Variants in INPP5A observed in about 807,000 individuals in gnomAD.
INPP5A encodes the protein inositol polyphosphate-5-phosphatase A, also known as 43 kDa inositol polyphosphate 5-phophatase.
In INPP5A, 14 loss-of-function variants were observed where a neutral mutation model predicts 65.2. The ratio of observed to expected loss-of-function variants is 0.21; its 90% CI spans 0.14 to 0.34. The LOEUF (loss-of-function observed/expected upper bound fraction) is 0.34. Among genes scored for constraint, INPP5A ranks in the 10% least tolerant of loss-of-function variants. The pLI, the probability that INPP5A is intolerant of heterozygous loss-of-function variation, is 1.00. For synonymous variants in INPP5A, 207 were observed against 208.3 expected, an observed-to-expected ratio of 0.99 and a Z score of 0.05; for missense variants, 431 against 545.6, an observed-to-expected ratio of 0.79 and a Z score of 2.09.
intron 4 of INPP5A, among the ~76,000 whole-genome samples, chr10:132,682,153 G>A (rs944291597): frequency 6.6e-6 from 1 of 151,732 alleles, no homozygotes; most frequent in East Asian, 1.9e-4. Flanking sequence ...ACAGCGTCCT[G>A]GAGGTGGGAA....
chr10:132,657,522 G>A (rs1018065631), intron 4 of INPP5A, among the ~76,000 whole-genome samples: 1 of 152,184 alleles, frequency 6.6e-6, no homozygotes, highest in South Asian at 2.1e-4. Context: ...GCAGGCTCTC[G>A]GCATGGCCCC....
chr10:132,603,078 T>A lies in INPP5A; in HGVS notation c.76-4837T>A, dbSNP rs1465247817. ...GTAAATATTTAACTAGTCCTAGTATTGCTTGTCAATTAATGCCTCTTCCCT... is the reference window on the plus strand; with the variant it reads ...GTAAATATTTAACTAGTCCTAGTATAGCTTGTCAATTAATGCCTCTTCCCT... On this transcript the variant is annotated intron_variant, in intron 1 of 15. Coordinates refer to ENST00000368594, the MANE Select transcript of INPP5A (RefSeq NM_005539.5). This position sits in a 1 kb window ranked among gnomAD's most constrained non-coding sequence, Gnocchi z 4.2. 3.3e-5 allele frequency among the ~76,000 whole-genome samples: 5 copies of A among 152,218 alleles called. No individual in the cohort carries two copies. In the East Asian group the frequency reaches 7.7e-4, roughly 23 times the overall value.
At chr10:132,596,980 T>G (rs909328477) in intron 1 of INPP5A, among the ~76,000 whole-genome samples, 1 of 151,684 alleles carries the variant, frequency 6.6e-6, no homozygotes, top group Non-Finnish European at 1.5e-5. Flanking sequence ...TGCATGCGTG[T>G]GTGCATGCAC....
At position 132,541,256 on chromosome 10, in the gene INPP5A, G is replaced by A. The variant is rs1411039860; in HGVS notation, c.75+3085G>A. 2.0e-5 allele frequency among the ~76,000 whole-genome samples: 3 copies of A among 152,176 alleles called. No homozygotes were observed. In the South Asian group the frequency reaches 6.2e-4, roughly 32 times the overall value. ...GCTTCCCAAAGTGCTGGGATTACAGGTGTGAGCCACTGTCCCTGGTCCAGA... is the reference window on the plus strand; with the variant it reads ...GCTTCCCAAAGTGCTGGGATTACAGATGTGAGCCACTGTCCCTGGTCCAGA... On this transcript the variant is annotated intron_variant, in intron 1 of 15. Transcript: ENST00000368594.
chr10:132,734,276 C>T (rs920929050), intron 9 of INPP5A, among the ~76,000 whole-genome samples: 1 of 152,226 alleles, frequency 6.6e-6, no homozygotes, highest in Admixed American at 6.5e-5. Context: ...CCACTGATCT[C>T]GGTGCTCCCT....
Position 132,650,022 on chromosome 10 carries a change from G to C in INPP5A, c.219-396G>C, listed in dbSNP as rs2072552128. On this transcript the variant is annotated intron_variant, in intron 3 of 15. Transcript: ENST00000368594. The surrounding 1 kb of genome is among the most constrained non-coding windows in gnomAD (Gnocchi z 5.5). ...CCCTGGGGTGCATGTGCCCCAACCT[G>C]TGTGTGCTGGTGGCTACTGGGGGTC... 6.6e-6 allele frequency among the ~76,000 whole-genome samples: 1 copy of C among 152,202 alleles called. No homozygotes were observed. The highest frequency in any genetic ancestry group is 2.4e-5 in the African/African-American group (1 of 41,448).
chr10:132,730,002 A>G (rs1362109126), intron 9 of INPP5A, among the ~76,000 whole-genome samples: 4 of 152,190 alleles, frequency 2.6e-5, no homozygotes, highest in Non-Finnish European at 5.9e-5. Context: ...CCACACCACC[A>G]TAAGCCTCAC....
At chr10:132,691,871 G>A (rs1289951665) in intron 5 of INPP5A, among the ~76,000 whole-genome samples, 1 of 151,630 alleles carries the variant, frequency 6.6e-6, no homozygotes, top group Admixed American at 6.6e-5. Context: ...GTGTGGTCGC[G>A]GGAGACGTGT....
intron 8 of INPP5A, 22 bp from the exon 9 acceptor site, chr10:132,726,799 C>T (rs752254659): frequency 1.3e-6 from 2 of 1,575,658 alleles, no homozygotes; most frequent in Admixed American, 1.7e-5. Context: ...CCCTCGGTAA[C>T]AAGTCCTCTT....
Position 132,604,120 on chromosome 10 carries a change from C to T in INPP5A, c.76-3795C>T, listed in dbSNP as rs1346888788. ...TGTGCTGTCAGGGTCCCCTCTCCGG[C>T]GCACCCTGTGCTCCTGTGCTGTCAG... On this transcript the variant is annotated intron_variant, in intron 1 of 15. Transcript: ENST00000368594. Among the ~76,000 whole-genome samples the T allele has an allele frequency of 5.4e-5, 8 of 147,816 alleles. No individual in the cohort carries two copies. In the South Asian group the frequency reaches 6.6e-4, roughly 12 times the overall value.
At chr10:132,765,975 G>A in intron 12 of INPP5A, 129 bp downstream of exon 12, 1 of 683,076 alleles carries the variant, frequency 1.5e-6, no homozygotes, top group Non-Finnish European at 2.7e-6. Flanking sequence ...CATTCTGTGT[G>A]CATCCAGAGT....
At position 132,551,606 on chromosome 10, in the gene INPP5A, G is replaced by A. The variant is rs935772429; in HGVS notation, c.75+13435G>A. Among the ~76,000 whole-genome samples the A allele has an allele frequency of 1.3e-4, 20 of 152,174 alleles. No individual in the cohort carries two copies. The highest frequency in any genetic ancestry group is 4.1e-4 in the African/African-American group (17 of 41,426). The stretch of plus-strand genomic sequence containing the variant: ...CTTTAATTTTCTCCATCACCGTTAC[G>A]GTTTTTCAGAGCTGTTGCAACTTCC... On this transcript the variant is annotated intron_variant, in intron 1 of 15. Coordinates refer to ENST00000368594, the MANE Select transcript of INPP5A (RefSeq NM_005539.5). This position sits in a 1 kb window ranked among gnomAD's most constrained non-coding sequence, Gnocchi z 5.3.
intron 11 of INPP5A, among the ~76,000 whole-genome samples, chr10:132,760,208 C>G (rs1210302877): frequency 6.6e-6 from 1 of 152,244 alleles, no homozygotes; most frequent in African/African-American, 2.4e-5. Context: ...GCCCCAGGCC[C>G]TCAAAGGCCT....
At chr10:132,544,486 TC>T (rs34227746) in intron 1 of INPP5A, among the ~76,000 whole-genome samples, 2 of 151,830 alleles carry the variant, frequency 1.3e-5, no homozygotes, top group African/African-American at 4.8e-5. Flanking sequence ...CGGTGCACTT[TC>T]CCTGGGAGAA....
At position 132,656,722 on chromosome 10, in the gene INPP5A, G is replaced by T. The variant is rs192243646; in HGVS notation, c.306+6217G>T. ...GAAGGGCACCAAGCAGGGTTGCCCC[G>T]GGCTCCTGAGAGGATTTTTCACATG... On this transcript the variant is annotated intron_variant, in intron 4 of 15. Transcript: ENST00000368594. 1.8e-4 allele frequency among the ~76,000 whole-genome samples: 27 copies of T among 152,318 alleles called. No individual in the cohort carries two copies. The East Asian group carries it at 5.0e-3, about 28-fold the overall frequency.
chr10:132,713,488 C>T (rs1284071474), intron 8 of INPP5A, among the ~76,000 whole-genome samples: 3 of 152,126 alleles, frequency 2.0e-5, no homozygotes, highest in Non-Finnish European at 2.9e-5. Context: ...CTGGGCTGGG[C>T]TCCCATCCCT....
At chr10:132,624,823 C>G (rs555725651) in intron 2 of INPP5A, among the ~76,000 whole-genome samples, 15 of 152,028 alleles carry the variant, frequency 9.9e-5, no homozygotes, top group African/African-American at 3.6e-4. Context: ...CACCCCCGCC[C>G]TGGCCTGCCC....
intron 8 of INPP5A, among the ~76,000 whole-genome samples, chr10:132,716,280 C>G (rs192253259): frequency 6.6e-6 from 1 of 152,264 alleles, no homozygotes; most frequent in Non-Finnish European, 1.5e-5. Flanking sequence ...CAGCACCTGT[C>G]GCTCCTTTGC....
chr10:132,703,714 C>CCA (rs1353844225), intron 6 of INPP5A, among the ~76,000 whole-genome samples: 1 of 98,018 alleles, frequency 1.0e-5, no homozygotes, highest in African/African-American at 4.2e-5. Flanking sequence ...TCACCCCCCC[C>CCA]ACACACTCAC....
Sources: gnomAD v4.1 joint callset for allele counts (sites outside exome capture counted in the v4.1 genomes callset) on GRCh38, gnomAD v4.1.1 for gene constraint, Gnocchi (gnomAD v3.1) non-coding constraint, MANE v1.5 for transcripts, NCBI Gene and HGNC (gene_info 2026-07-23, HGNC 2026-07-21) for gene names.